DCUN1D4: variants seen among roughly 807,000 people sequenced by gnomAD.
DCUN1D4 encodes the protein defective in cullin neddylation 1 domain containing 4.
In DCUN1D4, 22 loss-of-function variants were observed where a neutral mutation model predicts 47.9. The observed-to-expected ratio is 0.46, with a 90% CI of 0.33 to 0.66. DCUN1D4 has a LOEUF of 0.66. DCUN1D4 is among the 30% of genes least tolerant of loss of function. DCUN1D4 has a pLI of 0.02. For missense variants in DCUN1D4, 301 were observed against 340.8 expected, an observed-to-expected ratio of 0.88 and a Z score of 0.92; for synonymous variants, 121 against 112.2, an observed-to-expected ratio of 1.08 and a Z score of -0.50.
chr4:51,883,270 T>C (rs1246513137), intron 5 of DCUN1D4, among the ~76,000 whole-genome samples: 2 of 152,192 alleles, frequency 1.3e-5, no homozygotes, highest in East Asian at 3.8e-4. Context: ...TTTGCCCATA[T>C]GCAGCAAAAA....
chr4:51,911,279 C>A, intron 9 of DCUN1D4, 105 bp downstream of exon 9: 1 of 1,034,126 alleles, frequency 9.7e-7, no homozygotes, highest in Non-Finnish European at 1.5e-6. Context: ...ACTTTTCTGC[C>A]TATGTAGGAA....
chr4:51,860,029 ATTAC>A (rs1724799355), intron 1 of DCUN1D4, among the ~76,000 whole-genome samples: 1 of 152,204 alleles, frequency 6.6e-6, no homozygotes, highest in Non-Finnish European at 1.5e-5. Flanking sequence ...TTCAAGGGCT[ATTAC>A]TTGCCATGAG....
At chr4:51,859,844 T>C (rs1346733140) in intron 1 of DCUN1D4, among the ~76,000 whole-genome samples, 2 of 152,114 alleles carry the variant, frequency 1.3e-5, no homozygotes, top group African/African-American at 4.8e-5. Flanking sequence ...TGCTTTACTT[T>C]GGAGAGCCGT....
At chr4:51,879,640 A>G (rs1206333127) in intron 5 of DCUN1D4, among the ~76,000 whole-genome samples, 1 of 152,240 alleles carries the variant, frequency 6.6e-6, no homozygotes, top group Non-Finnish European at 1.5e-5. Flanking sequence ...TGTACCAGAT[A>G]TTCTGTAAAT....
chr4:51,855,823 C>T (rs1303158625), intron 1 of DCUN1D4, among the ~76,000 whole-genome samples: 1 of 152,228 alleles, frequency 6.6e-6, no homozygotes, highest in Non-Finnish European at 1.5e-5. Flanking sequence ...TTGACATTCT[C>T]ATCCCTAGTC....
intron 7 of DCUN1D4, among the ~76,000 whole-genome samples, chr4:51,895,142 A>G (rs770573447): frequency 6.6e-6 from 1 of 152,026 alleles, no homozygotes; most frequent in African/African-American, 2.4e-5. Flanking sequence ...ATTTCAACCT[A>G]CAAATTTCAG....
chr4:51,910,244 C>T (rs1578061731), intron 8 of DCUN1D4, among the ~76,000 whole-genome samples: 1 of 152,100 alleles, frequency 6.6e-6, no homozygotes, highest in East Asian at 1.9e-4. Context: ...GCTTGTAGTT[C>T]TGGAATGGAA....
intron 7 of DCUN1D4, among the ~76,000 whole-genome samples, chr4:51,898,677 A>G (rs1731642548): frequency 1.3e-5 from 2 of 152,204 alleles, no homozygotes; most frequent in African/African-American, 4.8e-5. Context: ...ATCTAAATAT[A>G]ATCATAGGGA....
At chr4:51,845,399 A>G (rs151175003) in intron 1 of DCUN1D4, among the ~76,000 whole-genome samples, 2 of 152,348 alleles carry the variant, frequency 1.3e-5, no homozygotes, top group African/African-American at 4.8e-5. Flanking sequence ...GACGTCTTCA[A>G]TTTTCGAAGA....
intron 8 of DCUN1D4, among the ~76,000 whole-genome samples, chr4:51,902,625 T>C (rs1732292027): frequency 6.6e-6 from 1 of 152,188 alleles, no homozygotes; most frequent in Non-Finnish European, 1.5e-5. Context: ...TTTTAACCTG[T>C]TTGTTTCTTT....
chr4:51,894,821 A>G (rs1214230858), intron 7 of DCUN1D4, among the ~76,000 whole-genome samples: 2 of 152,206 alleles, frequency 1.3e-5, no homozygotes, highest in African/African-American at 4.8e-5. Context: ...ATGTATTCAT[A>G]TATGTCTTAG....
In DCUN1D4 at chr4:51,914,226, GTTGT is replaced by G. The variant is rs965179409; in HGVS notation, c.*645_*648del. 2 of 152,170 alleles carry G rather than the reference GTTGT, an allele frequency of 1.3e-5. No individual in the cohort carries two copies. The highest frequency in any genetic ancestry group is 4.8e-5 in the African/African-American group (2 of 41,444). The allele number at this position is 152,170 out of a possible 1,614,324, so 9.4% of individuals were successfully genotyped here. ...CATTTCTACCATGCAAGGTGTATAAGTTGTTTATTTTTTAGTGTTAAAACTATAA... is the reference window on the plus strand; with the variant it reads ...CATTTCTACCATGCAAGGTGTATAAGTTATTTTTTAGTGTTAAAACTATAA... On this transcript the variant is annotated 3_prime_UTR_variant, in exon 11 of 11. Transcript: ENST00000334635.
intron 1 of DCUN1D4, among the ~76,000 whole-genome samples, chr4:51,847,510 G>A (rs986098242): frequency 1.3e-5 from 2 of 152,140 alleles, no homozygotes; most frequent in Non-Finnish European, 2.9e-5. Flanking sequence ...AGGAGAGATT[G>A]CATCTCTTCC....
chr4:51,844,793 G>C, intron 1 of DCUN1D4: 3 of 982,226 alleles, frequency 3.1e-6, no homozygotes, highest in Non-Finnish European at 3.6e-6. Flanking sequence ...TTGTAGTCGC[G>C]GCCGCGCCCG....
the DCUN1D4 span, among the ~76,000 whole-genome samples, chr4:51,834,042 TTCTCTCTCTCTCTCTCTCTCTC>T: frequency 7.7e-5 from 4 of 51,882 alleles, no homozygotes; most frequent in Admixed American, 6.1e-4. Flanking sequence ...TTAGGAGTCT[TTCTCTCTCTCTCTCTCTCTCTC>T]TCTCTCTCTC....
intron 5 of DCUN1D4, 150 bp from the exon 6 acceptor site, chr4:51,886,418 C>G (rs1729481670): frequency 1.8e-6 from 1 of 561,626 alleles, no homozygotes; most frequent in Non-Finnish European, 3.1e-6. Context: ...TACTGAAATT[C>G]GAGAATACTT....
chr4:51,860,984 A>G (rs1724961647), intron 1 of DCUN1D4, among the ~76,000 whole-genome samples: 1 of 152,226 alleles, frequency 6.6e-6, no homozygotes, highest in Admixed American at 6.5e-5. Context: ...GCTGTGTGGT[A>G]TGGAGAATGG....
intron 1 of DCUN1D4, chr4:51,844,425 G>C (rs550909753): frequency 1.5e-4 from 143 of 984,110 alleles, no homozygotes; most frequent in Non-Finnish European, 1.6e-4. Flanking sequence ...GGCTCCGGCA[G>C]CGGGACTAGG....
chr4:51,884,486 G>T (rs10434449), intron 5 of DCUN1D4: 63,024 of 152,156 alleles, frequency 0.41, 15,729 homozygotes, highest in African/African-American at 0.7. Context: ...CTAAGAAGGT[G>T]AATTCTGCTG....
Sources: allele counts gnomAD v4.1 joint callset (sites outside exome capture counted in the v4.1 genomes callset), GRCh38; gene constraint gnomAD v4.1.1; transcripts MANE v1.5; gene names NCBI Gene and HGNC (gene_info 2026-07-23, HGNC 2026-07-21).